GSE1: variants seen among roughly 807,000 people sequenced by gnomAD.
The protein encoded by GSE1 is genetic suppressor element 1.
In GSE1, 32 loss-of-function variants were observed where a neutral mutation model predicts 112.6. That is an observed-to-expected ratio of 0.28 (90% confidence interval 0.21 to 0.38). GSE1 has a LOEUF of 0.38. Ranked by LOEUF, GSE1 falls within the 10% of genes least tolerant of loss-of-function variation. The probability of loss-of-function intolerance (pLI) is 1.00; values close to 1 mark genes in which losing one functional copy is unlikely to be tolerated. For missense variants in GSE1, 2,348 were observed against 1,699.2 expected (o/e 1.38, Z -6.71); for synonymous variants, 1,115 against 735.6 (o/e 1.52, Z -8.35).
intron 2 of GSE1, among the ~76,000 whole-genome samples, chr16:85,430,588 T>G (rs2049096109): frequency 6.6e-6 from 1 of 152,130 alleles, no homozygotes. Context: ...ACAGCGGCGT[T>G]CAGCCCTCTC....
chr16:85,639,298 C>T (rs1293470398), intron 2 of GSE1, among the ~76,000 whole-genome samples: 1 of 152,200 alleles, frequency 6.6e-6, no homozygotes, highest in Non-Finnish European at 1.5e-5. Flanking sequence ...GGGACCTGTC[C>T]CCTCCTCGGA....
chr16:85,672,892 T>A lies in GSE1; in HGVS notation c.*353T>A, dbSNP rs1468101099. On this transcript the variant is annotated 3_prime_UTR_variant, in exon 16 of 16. Transcript: ENST00000253458. ...ACAGCCCCCTGTGCATATGAGTGGA[T>A]CAAACCGGTTCTGTTCTTTCTTGTG... 6.1e-6 allele frequency: 1 copy of A among 163,602 alleles called. No individual in the cohort carries two copies. The highest frequency in any genetic ancestry group is 2.4e-5 in the African/African-American group (1 of 41,812). The allele number at this position is 163,602 out of a possible 1,614,324, so 10.1% of individuals were successfully genotyped here.
chr16:85,625,303 C>T (rs1029315906), intron 1 of GSE1, among the ~76,000 whole-genome samples: 1 of 152,244 alleles, frequency 6.6e-6, no homozygotes, highest in Non-Finnish European at 1.5e-5. Flanking sequence ...ACTTCCCGTC[C>T]CTCGCCTCCA....
intron 2 of GSE1, among the ~76,000 whole-genome samples, chr16:85,500,372 C>T (rs941304335): frequency 6.6e-6 from 1 of 152,172 alleles, no homozygotes; most frequent in Non-Finnish European, 1.5e-5. Context: ...TACGTGTGGT[C>T]TTGGGGAAGG....
exon 1 of GSE1, chr16:85,171,780 G>T (rs1018810194): frequency 1.0e-6 from 1 of 985,502 alleles, no homozygotes; most frequent in Non-Finnish European, 1.2e-6. Context: ...CCATGAGCTG[G>T]AGCTCCCCGG....
At chr16:85,615,936 C>T (rs987230583) in intron 1 of GSE1, among the ~76,000 whole-genome samples, 13 of 152,226 alleles carry the variant, frequency 8.5e-5, no homozygotes, top group African/African-American at 2.7e-4. Flanking sequence ...GTGGGGCGGA[C>T]ACCGCGCTCA....
At chr16:85,448,306 G>C (rs58538628) in intron 2 of GSE1, among the ~76,000 whole-genome samples, 43,836 of 152,130 alleles carry the variant, frequency 0.29, 7,204 homozygotes, top group South Asian at 0.41. Flanking sequence ...AAGCTCTCCA[G>C]ATGATTCTGC....
intron 1 of GSE1, among the ~76,000 whole-genome samples, chr16:85,276,935 G>A (rs1909426016): frequency 1.3e-5 from 2 of 152,228 alleles, no homozygotes; most frequent in Non-Finnish European, 2.9e-5. Context: ...GGCAGCGTGG[G>A]TGGGCAGGAG....
chr16:85,328,966 TG>T (rs1428921910), intron 1 of GSE1, among the ~76,000 whole-genome samples: 1 of 152,138 alleles, frequency 6.6e-6, no homozygotes, highest in Non-Finnish European at 1.5e-5. Flanking sequence ...CCTCCAGGAC[TG>T]GGGGCCCCAA....
chr16:85,571,046 T>C (rs2045960635), intron 1 of GSE1, among the ~76,000 whole-genome samples: 1 of 152,136 alleles, frequency 6.6e-6, no homozygotes, highest in Non-Finnish European at 1.5e-5. Flanking sequence ...AGGAGAGTGG[T>C]TTTTATCTCA....
At chr16:85,230,019 A>G (rs1166464244) in intron 1 of GSE1, among the ~76,000 whole-genome samples, 1 of 152,200 alleles carries the variant, frequency 6.6e-6, no homozygotes, top group African/African-American at 2.4e-5. Context: ...TGGGAACGTT[A>G]TCTGCCTCCT....
chr16:85,369,090 T>C (rs576868595), intron 2 of GSE1, among the ~76,000 whole-genome samples: 1 of 152,284 alleles, frequency 6.6e-6, no homozygotes, highest in East Asian at 1.9e-4. Context: ...CTGACTCGGA[T>C]CTCACGAGGC....
At chr16:85,275,193 C>G (rs7203838) in intron 1 of GSE1, among the ~76,000 whole-genome samples, 1,788 of 152,302 alleles carry the variant, frequency 0.012, 36 homozygotes, top group African/African-American at 0.039. Flanking sequence ...GGCCTGAAGT[C>G]TTAACTCCCA....
At chr16:85,501,178 T>C (rs887388767) in intron 2 of GSE1, among the ~76,000 whole-genome samples, 49 of 151,416 alleles carry the variant, frequency 3.2e-4, no homozygotes, top group African/African-American at 1.1e-3. Context: ...TTTTTTGTAC[T>C]TTTTTAGTAG....
At chr16:85,555,791 C>T (rs1429725937), upstream of GSE1, 5 of 974,294 alleles carry the variant, frequency 5.1e-6, no homozygotes, top group Admixed American at 6.2e-5. Flanking sequence ...GCTACTCGCA[C>T]GTCCTGGGGG....
chr16:85,654,716 G>A, intron 4 of GSE1, 78 bp from the exon 5 acceptor site: 5 of 894,220 alleles, frequency 5.6e-6, no homozygotes, highest in Non-Finnish European at 9.0e-6. Flanking sequence ...GGGTGATGCA[G>A]GGAGTTTAGC....
At chr16:85,461,471 G>T (rs747064502) in intron 2 of GSE1, among the ~76,000 whole-genome samples, 8 of 152,060 alleles carry the variant, frequency 5.3e-5, no homozygotes, top group African/African-American at 1.9e-4. Flanking sequence ...CATGCCCAGA[G>T]GTGTGATGTC....
At chr16:85,347,209 A>G (rs1597452844) in intron 1 of GSE1, among the ~76,000 whole-genome samples, 1 of 149,814 alleles carries the variant, frequency 6.7e-6, no homozygotes, top group South Asian at 2.1e-4. Context: ...GTTGGGGAAT[A>G]CCTCTGGGGC....
intron 1 of GSE1, among the ~76,000 whole-genome samples, chr16:85,616,169 C>A (rs1003496680): frequency 6.6e-6 from 1 of 152,240 alleles, no homozygotes; most frequent in Non-Finnish European, 1.5e-5. Context: ...GCTAGAGATT[C>A]CCCCCTTCCA....
Sources: gnomAD v4.1 joint callset for allele counts (sites outside exome capture counted in the v4.1 genomes callset) on GRCh38, gnomAD v4.1.1 for gene constraint, MANE v1.5 for transcripts, NCBI Gene and HGNC (gene_info 2026-07-23, HGNC 2026-07-21) for gene names.